CCSER1: variants seen among roughly 807,000 people sequenced by gnomAD.
CCSER1 encodes the protein serine-rich coiled-coil domain-containing protein 1.
In CCSER1, 41 loss-of-function variants were observed where a neutral mutation model predicts 82.0. The observed-to-expected ratio is 0.50, with a 90% CI of 0.39 to 0.65. The LOEUF (loss-of-function observed/expected upper bound fraction) is 0.65, where lower values mean the gene tolerates loss of function less well. Among genes scored for constraint, CCSER1 ranks in the 30% least tolerant of loss-of-function variants. The probability of loss-of-function intolerance (pLI) is 0.00; values close to 1 mark genes in which losing one functional copy is unlikely to be tolerated. For synonymous variants in CCSER1, 414 were observed against 383.9 expected, an observed-to-expected ratio of 1.08 and a Z score of -0.92; for missense variants, 1,119 against 1,064.2, an observed-to-expected ratio of 1.05 and a Z score of -0.72.
chr4:90,794,178 T>C (rs1186385052), intron 7 of CCSER1, among the ~76,000 whole-genome samples: 1 of 152,246 alleles, frequency 6.6e-6, no homozygotes, highest in African/African-American at 2.4e-5. Context: ...TAGATGCCAT[T>C]TGTCCATTTT....
intron 10 of CCSER1, among the ~76,000 whole-genome samples, chr4:91,414,823 C>T (rs1412088692): frequency 6.6e-6 from 1 of 151,994 alleles, no homozygotes; most frequent in Non-Finnish European, 1.5e-5. Flanking sequence ...CAAAGAAGGT[C>T]ATTATATAAA....
intron 9 of CCSER1, among the ~76,000 whole-genome samples, chr4:91,056,415 G>A (rs552315539): frequency 2.0e-5 from 3 of 152,128 alleles, no homozygotes; most frequent in Admixed American, 6.6e-5. Context: ...CACCTTGAAC[G>A]CTGTGTCTTC....
At chr4:91,271,876 T>C (rs1699152433) in intron 10 of CCSER1, among the ~76,000 whole-genome samples, 1 of 152,166 alleles carries the variant, frequency 6.6e-6, no homozygotes, top group South Asian at 2.1e-4. Context: ...TGCCTCATCC[T>C]CCCGAGTAGC....
intron 1 of CCSER1, among the ~76,000 whole-genome samples, chr4:90,254,267 G>A (rs1722874388): frequency 6.6e-6 from 1 of 152,102 alleles, no homozygotes; most frequent in East Asian, 1.9e-4. Flanking sequence ...GGCTTGCCTC[G>A]TTCTCTGGGC....
At chr4:90,808,522 A>G (rs1026297973) in intron 7 of CCSER1, among the ~76,000 whole-genome samples, 3 of 152,170 alleles carry the variant, frequency 2.0e-5, no homozygotes, top group African/African-American at 4.8e-5. Context: ...AGAATCTACA[A>G]GCAACTCAAA....
intron 10 of CCSER1, among the ~76,000 whole-genome samples, chr4:91,585,910 A>C (rs1203514116): frequency 2.6e-5 from 4 of 151,706 alleles, no homozygotes; most frequent in Non-Finnish European, 4.4e-5. Context: ...AAAGAAAATA[A>C]GAAGGTCAAT....
chr4:91,443,026 G>A lies in CCSER1; in HGVS notation c.2218-155546G>A, dbSNP rs1191471950. 2.6e-5 allele frequency among the ~76,000 whole-genome samples: 4 copies of A among 152,076 alleles called. No individual in the cohort carries two copies. The East Asian group carries it at 7.7e-4, about 29-fold the overall frequency. On this transcript the variant is annotated intron_variant, in intron 10 of 10. Transcript: ENST00000509176. ...AGGAACACTTTTACACTGTTGGTGGGACTGTAAACTATTTCAACCATTGTG... is the reference window on the plus strand; with the variant it reads ...AGGAACACTTTTACACTGTTGGTGGAACTGTAAACTATTTCAACCATTGTG...
chr4:90,229,158 C>A (rs1370803406), intron 1 of CCSER1, among the ~76,000 whole-genome samples: 2 of 152,064 alleles, frequency 1.3e-5, no homozygotes, highest in Non-Finnish European at 2.9e-5. Flanking sequence ...AACTCCAAGA[C>A]ACATAATTGT....
chr4:90,609,589 A>G (rs183241248), intron 5 of CCSER1, among the ~76,000 whole-genome samples: 94 of 152,322 alleles, frequency 6.2e-4, no homozygotes, highest in Non-Finnish European at 4.0e-4. Context: ...TAGAAGGAAA[A>G]CTATAGAGCA....
chr4:91,389,055 A>G (rs971543410), intron 10 of CCSER1, among the ~76,000 whole-genome samples: 3 of 151,878 alleles, frequency 2.0e-5, no homozygotes, highest in African/African-American at 2.4e-5. Context: ...TTCTTTTAAC[A>G]TTGTCTTTTG....
intron 10 of CCSER1, among the ~76,000 whole-genome samples, chr4:91,200,918 G>A (rs1735856685): frequency 6.6e-6 from 1 of 151,812 alleles, no homozygotes; most frequent in Non-Finnish European, 1.5e-5. Context: ...ATCTATTATT[G>A]TAGTCTTTTA....
intron 10 of CCSER1, among the ~76,000 whole-genome samples, chr4:91,405,669 T>C (rs1268962145): frequency 1.3e-5 from 2 of 152,138 alleles, no homozygotes. Flanking sequence ...CATTGGACCC[T>C]CCAATCTAAG....
chr4:90,904,209 A>G (rs1197491574), intron 8 of CCSER1, among the ~76,000 whole-genome samples: 3 of 152,146 alleles, frequency 2.0e-5, no homozygotes, highest in African/African-American at 7.2e-5. Flanking sequence ...TCAAAAGACC[A>G]TGGGGATGAC....
At chr4:91,479,702 C>CT (rs929427075) in intron 10 of CCSER1, among the ~76,000 whole-genome samples, 2 of 103,862 alleles carry the variant, frequency 1.9e-5, no homozygotes, top group Non-Finnish European at 4.3e-5. Flanking sequence ...TTTTTTTTTT[C>CT]TTTTTTTTCT....
chr4:90,304,017 C>G (rs1178651644), intron 1 of CCSER1, among the ~76,000 whole-genome samples: 2 of 151,906 alleles, frequency 1.3e-5, no homozygotes, highest in Non-Finnish European at 2.9e-5. Context: ...TTCTCGAAGA[C>G]ATTTATGCAG....
chr4:91,538,698 C>CATATATATATATATATATATATATTATAT (rs1553952293), intron 10 of CCSER1, among the ~76,000 whole-genome samples: 7 of 138,340 alleles, frequency 5.1e-5, no homozygotes, highest in Non-Finnish European at 7.7e-5. Flanking sequence ...TATATATACA[C>CATATATATATATATATATATATATTATAT]ATATATATAT....
chr4:91,247,554 T>C (rs1739894059), intron 10 of CCSER1, among the ~76,000 whole-genome samples: 1 of 151,974 alleles, frequency 6.6e-6, no homozygotes, highest in African/African-American at 2.4e-5. Flanking sequence ...CAGGTCTTGG[T>C]TTTTAATATT....
chr4:91,358,386 C>A (rs1323919997), intron 10 of CCSER1, among the ~76,000 whole-genome samples: 2 of 124,214 alleles, frequency 1.6e-5, no homozygotes, highest in Non-Finnish European at 3.3e-5. Flanking sequence ...TTGTGCCTGA[C>A]CCACGTTGTT....
At chr4:90,494,220 C>T (rs1768590271) in intron 5 of CCSER1, among the ~76,000 whole-genome samples, 1 of 152,144 alleles carries the variant, frequency 6.6e-6, no homozygotes, top group African/African-American at 2.4e-5. Flanking sequence ...GCTAACTATC[C>T]TAAATATATA....
Sources: allele counts gnomAD v4.1 joint callset (sites outside exome capture counted in the v4.1 genomes callset), GRCh38; gene constraint gnomAD v4.1.1; transcripts MANE v1.5; gene names NCBI Gene and HGNC (gene_info 2026-07-23, HGNC 2026-07-21).